Variants in MAX observed in about 807,000 individuals in gnomAD.
The protein encoded by MAX is protein max.
A neutral mutation model predicts 22.3 loss-of-function variants in MAX; 3 were observed. The observed-to-expected ratio is 0.13, with a 90% CI of 0.06 to 0.35. The LOEUF is 0.35. Ranked by LOEUF, MAX falls within the 10% of genes least tolerant of loss-of-function variation. The probability of loss-of-function intolerance (pLI) is 1.00; values close to 1 mark genes in which losing one functional copy is unlikely to be tolerated. For missense variants in MAX, 119 were observed against 209.4 expected (o/e 0.57, Z 2.66); for synonymous variants, 72 against 77.7 (o/e 0.93, Z 0.39).
chr14:65,035,413 C>T (rs2062165870), intron 3 of MAX, among the ~76,000 whole-genome samples: 2 of 152,144 alleles, frequency 1.3e-5, no homozygotes, highest in Non-Finnish European at 2.9e-5. Flanking sequence ...CTGTCATTTG[C>T]AGGGGGGTTG....
intron 3 of MAX, among the ~76,000 whole-genome samples, chr14:65,089,266 T>C (rs2063430363): frequency 6.6e-6 from 1 of 152,244 alleles, no homozygotes; most frequent in Non-Finnish European, 1.5e-5. Flanking sequence ...TGCCAGAATC[T>C]GTGATAGGAA....
In MAX at chr14:65,015,741, G is replaced by T. The variant is rs535762781; in HGVS notation, c.172-9457C>A. 1.9e-6 allele frequency: 3 copies of T among 1,606,666 alleles called. No individual in the cohort carries two copies. The African/African-American group carries it at 4.0e-5, about 21-fold the overall frequency. On this transcript the variant is annotated intron_variant, in intron 3 of 3. Transcript: ENST00000341653. ...AGTGAGTCTGTCTTTGGGAAATCTG[G>T]GGTGTTCTCTGAAATTGTATTTTGA...
At chr14:65,041,215 C>T (rs2062344954) in intron 3 of MAX, among the ~76,000 whole-genome samples, 1 of 152,152 alleles carries the variant, frequency 6.6e-6, no homozygotes, top group Non-Finnish European at 1.5e-5. Context: ...TAGAGGTTAT[C>T]GTGTGTTATA....
At chr14:65,025,958 G>A (rs1011932856) in intron 3 of MAX, among the ~76,000 whole-genome samples, 1 of 152,222 alleles carries the variant, frequency 6.6e-6, no homozygotes, top group African/African-American at 2.4e-5. Context: ...ACAGAGCAAG[G>A]CAGCAGCGTT....
In MAX at chr14:65,014,100, C is replaced by T. The variant is rs544762292; in HGVS notation, c.172-7816G>A. Among the ~76,000 whole-genome samples the T allele has an allele frequency of 7.2e-5, 11 of 152,246 alleles. No homozygotes were observed. Among genetic ancestry groups the T allele is most frequent in the Middle Eastern group, 3.4e-3 (1 of 294 alleles). On this transcript the variant is annotated intron_variant, in intron 3 of 3. Coordinates refer to the MAX transcript ENST00000341653. The surrounding 1 kb of genome is among the most constrained non-coding windows in gnomAD (Gnocchi z 5.1). ...TTTTGAAGAGAGCAGCTTGGGCCAACGGAAAGAACACTGGATTGACTCTAA... is the reference window on the plus strand; with the variant it reads ...TTTTGAAGAGAGCAGCTTGGGCCAATGGAAAGAACACTGGATTGACTCTAA...
At chr14:65,041,402 C>T (rs2062349870) in intron 3 of MAX, among the ~76,000 whole-genome samples, 1 of 152,170 alleles carries the variant, frequency 6.6e-6, no homozygotes, top group East Asian at 1.9e-4. Flanking sequence ...GGACCCCACG[C>T]TCCTGGCCAG....
At position 65,054,095 on chromosome 14, in the gene MAX, G is replaced by A. The variant is rs1291929553; in HGVS notation, c.171+39613C>T. Among the ~76,000 whole-genome samples the A allele has an allele frequency of 6.6e-6, 1 of 152,050 alleles. No homozygotes were observed. The highest frequency in any genetic ancestry group is 2.4e-5 in the African/African-American group (1 of 41,440). On this transcript the variant is annotated intron_variant, in intron 3 of 3. Coordinates refer to the MAX transcript ENST00000341653. The surrounding 1 kb of genome is among the most constrained non-coding windows in gnomAD (Gnocchi z 4.4). The stretch of plus-strand genomic sequence containing the variant: ...GTTCCCACTGCTGGGCAGGGCTGGA[G>A]GATGGGGCTTTTATTTTATTGTATT...
Position 65,093,729 on chromosome 14 carries a change from G to C in MAX, c.150C>G (p.Val50=). ...TCACCTTCTCTCCTTGGAGTGATGG[G>C]ACTGAGTCCCGCAAACTGTGAAAGC... ...KDSFHSLRDS[V]PSLQGEKASR... is the part of the protein sequence containing the mutation. The change falls in exon 3 of 5, where the codon GTC becomes GTG. Residue 50 remains valine, a synonymous_variant. Coordinates refer to ENST00000358664, the MANE Select transcript of MAX (RefSeq NM_002382.5). The surrounding 1 kb of genome is among the most constrained non-coding windows in gnomAD (Gnocchi z 4.4). 1.2e-6 allele frequency: 2 copies of C among 1,606,024 alleles called. No individual in the cohort carries two copies. The highest frequency in any genetic ancestry group is 1.7e-6 in the Non-Finnish European group (2 of 1,172,568).
rs2062333378 is a variant in MAX, at chr14:65,040,736, T to A, written c.172-34452A>T. The A allele has an allele frequency of 3.8e-6, 6 of 1,584,718 alleles. No individual in the cohort carries two copies. The East Asian group carries it at 1.4e-4, about 36-fold the overall frequency. On this transcript the variant is annotated intron_variant, in intron 3 of 3. Transcript: ENST00000341653. The stretch of plus-strand genomic sequence containing the variant: ...TCTGCCACCTAGGATGGTCCTGGTC[T>A]TGTGTACGTCCACTCACTGGCCACT...
rs1002243356 is a variant in MAX at position 65,093,616 on chromosome 14, A to C, written c.171+92T>G. On this transcript the variant is annotated intron_variant, in intron 3 of 4. Transcript: ENST00000358664. The surrounding 1 kb of genome is among the most constrained non-coding windows in gnomAD (Gnocchi z 4.4). ...ATGCTACCTGAATATCTCTGACTAC[A>C]TTTCCTTCCCAATAGGTGAGTGCTC... 9 of 780,314 alleles carry C rather than the reference A, an allele frequency of 1.2e-5. No homozygotes were observed. The highest frequency in any genetic ancestry group is 1.9e-5 in the Non-Finnish European group (8 of 426,982). The allele number at this position is 780,314 out of a possible 1,614,324, so 48.3% of individuals were successfully genotyped here.
intron 3 of MAX, among the ~76,000 whole-genome samples, chr14:65,049,595 G>A (rs2062561695): frequency 6.6e-6 from 1 of 152,062 alleles, no homozygotes; most frequent in Non-Finnish European, 1.5e-5. Flanking sequence ...TAATAATATA[G>A]GAAGTCACTG....
At chr14:65,075,106 TAAG>T, downstream of MAX, 1 of 1,013,960 alleles carries the variant, frequency 9.9e-7, no homozygotes, top group Non-Finnish European at 1.2e-6. The surrounding 1 kb of genome is among the most constrained non-coding windows in gnomAD (Gnocchi z 4.1). Context: ...TTAACAAGGG[TAAG>T]AAGACACCAC....
Position 65,077,162 on chromosome 14 carries a change from C to G in MAX, c.296-499G>C. 1.6e-6 allele frequency: 1 copy of G among 619,296 alleles called. No individual in the cohort carries two copies. The highest frequency in any genetic ancestry group is 2.8e-6 in the Non-Finnish European group (1 of 351,090). The allele number at this position is 619,296 out of a possible 1,614,324, so 38.4% of individuals were successfully genotyped here. On this transcript the variant is annotated intron_variant, in intron 4 of 4. Coordinates refer to ENST00000358664, the MANE Select transcript of MAX (RefSeq NM_002382.5). The surrounding 1 kb of genome is among the most constrained non-coding windows in gnomAD (Gnocchi z 6.3). ...CACTTGGAAGCAAGTCACCAATACA[C>G]ATAAAATACCTGGGCTTTTCAAATA...
In MAX at chr14:65,047,978, A is replaced by ATTTTT. The variant is rs34879850; in HGVS notation, c.172-41699_172-41695dup. 3.1e-5 allele frequency among the ~76,000 whole-genome samples: 2 copies of ATTTTT among 64,128 alleles called. No individual in the cohort carries two copies. The highest frequency in any genetic ancestry group is 5.5e-5 in the Non-Finnish European group (2 of 36,398). The allele number at this position is 64,128 out of a possible 152,430, so 42.1% of individuals were successfully genotyped here. On this transcript the variant is annotated intron_variant, in intron 3 of 3. Transcript: ENST00000341653. This position sits in a 1 kb window ranked among gnomAD's most constrained non-coding sequence, Gnocchi z 5.2. ...AGACAGAAGGAGGGAGACTTTTTAG[A>ATTTTT]TTTTTTTTTTTTTTTTTTTTTTTTT...
At chr14:65,015,640 C>T (rs769584940) in intron 3 of MAX, 5 of 1,614,056 alleles carry the variant, frequency 3.1e-6, no homozygotes, top group East Asian at 2.2e-5. Flanking sequence ...GGATGCCAGC[C>T]GCCCATGGCT....
intron 2 of MAX, among the ~76,000 whole-genome samples, chr14:65,094,978 T>C (rs891519006): frequency 6.6e-6 from 1 of 152,184 alleles, no homozygotes; most frequent in Non-Finnish European, 1.5e-5. Context: ...ATTCAAAAAA[T>C]GGAACAAGAG....
chr14:65,081,855 T>C (rs1024099182), intron 3 of MAX, among the ~76,000 whole-genome samples: 2 of 152,176 alleles, frequency 1.3e-5, no homozygotes, highest in Admixed American at 1.3e-4. Context: ...AGGCCTCCCA[T>C]GTAGCCATGT....
rs1237399506 is a variant in MAX at position 65,023,060 on chromosome 14, C to T, written c.172-16776G>A. On this transcript the variant is annotated intron_variant, in intron 3 of 3. Transcript: ENST00000341653. The surrounding 1 kb of genome is among the most constrained non-coding windows in gnomAD (Gnocchi z 4.1). The stretch of plus-strand genomic sequence containing the variant: ...AACTGATGACGGTGTTTAGAATCAA[C>T]ATTGATTAATTGATTGAGACAGGGT... Among the ~76,000 whole-genome samples, 1 of 152,126 alleles carries T rather than the reference C, an allele frequency of 6.6e-6. No homozygotes were observed. Among genetic ancestry groups the T allele is most frequent in the Non-Finnish European group, 1.5e-5 (1 of 68,032 alleles).
At chr14:65,017,141 T>G (rs1434849653) in intron 3 of MAX, among the ~76,000 whole-genome samples, 1 of 152,102 alleles carries the variant, frequency 6.6e-6, no homozygotes, top group African/African-American at 2.4e-5. Context: ...CAGGCTGGTC[T>G]TGAACTCCTG....
Sources: allele counts gnomAD v4.1 joint callset (sites outside exome capture counted in the v4.1 genomes callset), GRCh38; gene constraint gnomAD v4.1.1; non-coding constraint Gnocchi (gnomAD v3.1); transcripts MANE v1.5; gene names NCBI Gene and HGNC (gene_info 2026-07-23, HGNC 2026-07-21).